The following MAP3K9 variants were observed in gnomAD, a reference collection of about 807,000 sequenced individuals.
MAP3K9 encodes the protein mitogen-activated protein kinase kinase kinase 9, also known as mixed lineage kinase 1 (tyr and ser/thr specificity).
MAP3K9 carries 46 observed loss-of-function variants against 95.8 expected under a neutral mutation model. The observed-to-expected ratio is 0.48, with a 90% CI of 0.38 to 0.61. The LOEUF is 0.61. Ranked by LOEUF, MAP3K9 falls within the 20% of genes least tolerant of loss-of-function variation. The pLI is 0.00. For synonymous variants in MAP3K9, 533 were observed against 593.8 expected, an observed-to-expected ratio of 0.90 and a Z score of 1.49; for missense variants, 1,296 against 1,474.3, an observed-to-expected ratio of 0.88 and a Z score of 1.98.
Position 70,742,660 on chromosome 14 carries a change from C to A in MAP3K9, c.1327-69G>T, listed in dbSNP as rs1304876932. The A allele has an allele frequency of 5.2e-6, 8 of 1,550,860 alleles. No homozygotes were observed. In the East Asian group the frequency reaches 1.8e-4, roughly 35 times the overall value. ...AGTGCAGAGGGGCTCTGGGGTGAGGCCTGAGAGCTCCCAGAGGGCTTATGG... is the reference window on the plus strand; with the variant it reads ...AGTGCAGAGGGGCTCTGGGGTGAGGACTGAGAGCTCCCAGAGGGCTTATGG... On this transcript the variant is annotated intron_variant, in intron 5 of 11. Coordinates refer to ENST00000554752, the MANE Select transcript of MAP3K9 (RefSeq NM_001284230.2).
chr14:70,801,180 G>T, intron 1 of MAP3K9, 100 bp from the exon 2 acceptor site: 1 of 1,133,218 alleles, frequency 8.8e-7, no homozygotes. Flanking sequence ...CAAGTTGTCT[G>T]TTTACTGGGC....
chr14:70,808,775 G>C lies in MAP3K9; in HGVS notation c.397C>G (p.Pro133Ala). Residue 133 changes from proline to alanine, a missense_variant, in exon 1 of 12, where the codon CCC (proline) becomes GCC (alanine). Pro to Ala is a conservative substitution (Grantham distance 27). Transcript: ENST00000554752. The part of the protein sequence containing the change: ...PGGEDPSCYP[P>A]IQLLEIDFAE... ...CCCGCCTTCGCCTTACACTGAATGGGCGGGTAGCAACTGGGGTCCTCGCCG... is the reference window on the plus strand; with the variant it reads ...CCCGCCTTCGCCTTACACTGAATGGCCGGGTAGCAACTGGGGTCCTCGCCG... 1.3e-6 allele frequency: 2 copies of C among 1,566,828 alleles called. No individual in the cohort carries two copies. Among genetic ancestry groups the C allele is most frequent in the Non-Finnish European group, 1.7e-6 (2 of 1,160,348 alleles).
chr14:70,797,224 C>A (rs1391290027), intron 2 of MAP3K9, among the ~76,000 whole-genome samples: 1 of 152,006 alleles, frequency 6.6e-6, no homozygotes, highest in African/African-American at 2.4e-5. Flanking sequence ...GTATTCTGCC[C>A]TCACATGACA....
rs372484455 is a variant in MAP3K9, at chr14:70,738,354, C to A, written c.1735G>T (p.Val579Phe). The stretch of plus-strand genomic sequence containing the variant: ...TCCTCCTCCCCTTCCTCCTTTGGGA[C>A]GACTGAGCTCCTGCCCCAGGTTTTG... Reference protein sequence around the residue: ...SSKTWGRSSVVPKEEGEEEEK... With the variant: ...SSKTWGRSSVFPKEEGEEEEK... The change falls in exon 8 of 12, where the codon GTC becomes TTC. Residue 579 changes from valine to phenylalanine, a missense_variant. This residue lies in a region of MAP3K9 where 377 missense variants were observed against 417.1 expected (regional missense o/e 0.90). Coordinates refer to ENST00000554752, the MANE Select transcript of MAP3K9 (RefSeq NM_001284230.2). 8.1e-6 allele frequency: 13 copies of A among 1,613,884 alleles called. No individual in the cohort carries two copies. The highest frequency in any genetic ancestry group is 2.7e-5 in the African/African-American group (2 of 74,896).
chr14:70,761,846 C>T (rs183076274), intron 2 of MAP3K9, among the ~76,000 whole-genome samples: 53 of 152,238 alleles, frequency 3.5e-4, no homozygotes, highest in Admixed American at 2.7e-3. Context: ...GTACAACTAC[C>T]ACCTGTCTAG....
chr14:70,744,612 A>T (rs542361821), intron 5 of MAP3K9, among the ~76,000 whole-genome samples: 5 of 152,316 alleles, frequency 3.3e-5, no homozygotes, highest in African/African-American at 7.2e-5. Context: ...AGAATCACAA[A>T]AGCATAGCAA....
At chr14:70,744,211 G>A (rs903633916) in intron 5 of MAP3K9, among the ~76,000 whole-genome samples, 1 of 152,098 alleles carries the variant, frequency 6.6e-6, no homozygotes, top group African/African-American at 2.4e-5. Flanking sequence ...GGGGGCTAGG[G>A]GAGGGAGAGC....
intron 2 of MAP3K9, among the ~76,000 whole-genome samples, chr14:70,793,114 G>A (rs969760244): frequency 4.6e-5 from 7 of 152,224 alleles, no homozygotes; most frequent in African/African-American, 1.7e-4. Flanking sequence ...GGAGTACTGA[G>A]GTTGGACAGA....
intron 2 of MAP3K9, among the ~76,000 whole-genome samples, chr14:70,772,704 T>C (rs753047070): frequency 2.0e-5 from 3 of 152,240 alleles, no homozygotes; most frequent in Non-Finnish European, 2.9e-5. Context: ...GTACTTTTAG[T>C]GTGTGTTGAT....
Position 70,733,089 on chromosome 14 carries a change from C to T in MAP3K9, c.2280G>A (p.Leu760=), listed in dbSNP as rs1220239556. The T allele has an allele frequency of 2.5e-6, 4 of 1,613,994 alleles. No homozygotes were observed. The highest frequency in any genetic ancestry group is 3.4e-6 in the Non-Finnish European group (4 of 1,180,028). ...EVALLGCGAV[L]AATGLGFDLL... ...AGTCAAACCCTAGGCCTGTGGCTGC[C>T]AGAACAGCCCCACAGCCGAGCAGAG... Residue 760 remains leucine, a synonymous_variant, in exon 11 of 12, where the codon CTG becomes CTA. Coordinates refer to ENST00000554752, the MANE Select transcript of MAP3K9 (RefSeq NM_001284230.2).
intron 2 of MAP3K9, among the ~76,000 whole-genome samples, chr14:70,778,344 T>C (rs2054628007): frequency 6.6e-6 from 1 of 150,836 alleles, no homozygotes; most frequent in Non-Finnish European, 1.5e-5. Flanking sequence ...CGACGCGATC[T>C]CTGCTCACTG....
At chr14:70,756,480 T>A (rs116058487) in intron 3 of MAP3K9, among the ~76,000 whole-genome samples, 3,000 of 152,298 alleles carry the variant, frequency 0.02, 101 homozygotes, top group African/African-American at 0.067. Context: ...TCTTCCATAG[T>A]GGGGCACACA....
intron 2 of MAP3K9, among the ~76,000 whole-genome samples, chr14:70,777,439 C>T (rs1016744924): frequency 1.3e-5 from 2 of 152,140 alleles, no homozygotes; most frequent in Non-Finnish European, 2.9e-5. Context: ...CATAGTCAGC[C>T]AAGGGAGAAG....
chr14:70,734,817 C>T (rs927907753), intron 9 of MAP3K9, among the ~76,000 whole-genome samples: 1 of 152,138 alleles, frequency 6.6e-6, no homozygotes, highest in Non-Finnish European at 1.5e-5. Flanking sequence ...TTGCCTGAGC[C>T]CATCTCAAGA....
chr14:70,741,317 T>C (rs374764695), intron 6 of MAP3K9, among the ~76,000 whole-genome samples: 1 of 152,170 alleles, frequency 6.6e-6, no homozygotes, highest in South Asian at 2.1e-4. Context: ...CTCGAACTCC[T>C]GACCTCAGAT....
intron 8 of MAP3K9, 138 bp downstream of exon 8, chr14:70,738,107 T>C (rs1181852988): frequency 9.0e-6 from 9 of 995,580 alleles, no homozygotes; most frequent in Admixed American, 6.5e-5. Flanking sequence ...TGAAAAACTG[T>C]TGTAAAGATC....
In MAP3K9 at chr14:70,809,328, G is replaced by A. The variant is rs889028254; in HGVS notation, c.-157C>T. 3 of 980,936 alleles carry A rather than the reference G, an allele frequency of 3.1e-6. No individual in the cohort carries two copies. The highest frequency in any genetic ancestry group is 4.0e-6 in the Non-Finnish European group (3 of 758,680). 60.8% of individuals were successfully genotyped at this position (980,936 alleles called of 1,614,324 possible). ...GCAGGGCTGGGAGAGCCGGCTCGCC[G>A]GCGCTGTTACCGCGGTACGAGAAGA... is the stretch of plus-strand genomic sequence containing the variant. On this transcript the variant is annotated 5_prime_UTR_variant, in exon 1 of 12. Transcript: ENST00000554752.
rs574985414 is a variant in MAP3K9 at position 70,748,061 on chromosome 14, C to T, written c.1326+768G>A. Reference sequence around the variant, plus strand: ...GGCAGAGCCTGCAGTGAGCTGAGATCGTGCCACTGCACTTCAGCCTGGGCG... The same window carrying T: ...GGCAGAGCCTGCAGTGAGCTGAGATTGTGCCACTGCACTTCAGCCTGGGCG... On this transcript the variant is annotated intron_variant, in intron 5 of 11. Transcript: ENST00000554752. Among the ~76,000 whole-genome samples, 1,200 of 148,528 alleles carry T rather than the reference C, an allele frequency of 8.1e-3. 5 individuals carry two copies. Among genetic ancestry groups the T allele is most frequent in the Non-Finnish European group, 0.013 (851 of 67,570 alleles).
intron 2 of MAP3K9, among the ~76,000 whole-genome samples, chr14:70,770,498 C>T (rs1341191641): frequency 6.6e-6 from 1 of 152,002 alleles, no homozygotes; most frequent in Non-Finnish European, 1.5e-5. Context: ...TTTTCTGTTT[C>T]TAAATTCACA....
Sources: allele counts gnomAD v4.1 joint callset (sites outside exome capture counted in the v4.1 genomes callset), GRCh38; gene constraint gnomAD v4.1.1; regional missense constraint gnomAD v4.1.1; transcripts MANE v1.5; gene names NCBI Gene and HGNC (gene_info 2026-07-23, HGNC 2026-07-21).